MAPK8IP2: variants seen among roughly 807,000 people sequenced by gnomAD.
MAPK8IP2 encodes mitogen-activated protein kinase 8 interacting protein 2.
In MAPK8IP2, 15 loss-of-function variants were observed where a neutral mutation model predicts 75.6. That is an observed-to-expected ratio of 0.20 (90% confidence interval 0.13 to 0.31). The LOEUF (loss-of-function observed/expected upper bound fraction) is 0.31, where lower values mean the gene tolerates loss of function less well. Among genes scored for constraint, MAPK8IP2 ranks in the 10% least tolerant of loss-of-function variants. The pLI, the probability that MAPK8IP2 is intolerant of heterozygous loss-of-function variation, is 1.00. For synonymous variants in MAPK8IP2, 632 were observed against 554.5 expected, an observed-to-expected ratio of 1.14 and a Z score of -1.96; for missense variants, 1,089 against 1,211.2, an observed-to-expected ratio of 0.90 and a Z score of 1.50.
chr22:50,609,333 G>A (rs1187795912), intron 10 of MAPK8IP2, among the ~76,000 whole-genome samples: 1 of 152,112 alleles, frequency 6.6e-6, no homozygotes, highest in African/African-American at 2.4e-5. Context: ...TCTCCATCAG[G>A]GCCCTACCTC....
chr22:50,613,326 T>C lies in MAPK8IP2; in HGVS notation c.*2547T>C, dbSNP rs1172254707. On this transcript the variant is annotated 3_prime_UTR_variant, in exon 12 of 12. Coordinates refer to ENST00000329492, the MANE Select transcript of MAPK8IP2 (RefSeq NM_012324.6). ...GCCTTCGTCCCGACCCCTGCATTCA[T>C]CTGTGTTCTGTTTTATGTTTTTTCC... The C allele has an allele frequency of 6.6e-6, 1 of 152,460 alleles. No homozygotes were observed. Among genetic ancestry groups the C allele is most frequent in the Non-Finnish European group, 1.5e-5 (1 of 68,326 alleles). The allele number at this position is 152,460 out of a possible 1,614,324, so 9.4% of individuals were successfully genotyped here. A position where few individuals can be genotyped will look rare whatever the true frequency, so the allele number is the denominator to read the frequency against.
At chr22:50,606,838 TGGCAGGGGTGTCCAGTAGGTGGGA>T (rs2071060528) in intron 9 of MAPK8IP2, 59 bp from the exon 10 acceptor site, 1 of 1,594,092 alleles carries the variant, frequency 6.3e-7, no homozygotes, top group Non-Finnish European at 8.6e-7. Flanking sequence ...GGGGCCAGGC[TGGCAGGGGTGTCCAGTAGGTGGGA>T]GGCAGGGGTG....
In MAPK8IP2 at chr22:50,613,595, C is replaced by T. The variant is rs975812353; in HGVS notation, c.*2816C>T. 1 of 152,318 alleles carries T rather than the reference C, an allele frequency of 6.6e-6. No homozygotes were observed. The highest frequency in any genetic ancestry group is 1.5e-5 in the Non-Finnish European group (1 of 68,126). 9.4% of individuals were successfully genotyped at this position (152,318 alleles called of 1,614,324 possible). ...TTTAAACAGAAGCCTCAGCAGATCCCTCTCTCTGGCCAGCTCCCTGTTGAA... is the reference window on the plus strand; with the variant it reads ...TTTAAACAGAAGCCTCAGCAGATCCTTCTCTCTGGCCAGCTCCCTGTTGAA... On this transcript the variant is annotated 3_prime_UTR_variant, in exon 12 of 12. Transcript: ENST00000329492.
At chr22:50,606,850 C>A in intron 9 of MAPK8IP2, 71 bp from the exon 10 acceptor site, 1 of 1,591,980 alleles carries the variant, frequency 6.3e-7, no homozygotes, top group Non-Finnish European at 8.6e-7. Flanking sequence ...GCAGGGGTGT[C>A]CAGTAGGTGG....
intron 10 of MAPK8IP2, among the ~76,000 whole-genome samples, chr22:50,608,234 G>A (rs1014931403): frequency 6.6e-6 from 1 of 152,206 alleles, no homozygotes; most frequent in Non-Finnish European, 1.5e-5. Flanking sequence ...GGATCCATGC[G>A]GAAACGCTGC....
intron 10 of MAPK8IP2, among the ~76,000 whole-genome samples, chr22:50,609,529 T>G (rs913777632): frequency 6.6e-6 from 1 of 151,304 alleles, no homozygotes; most frequent in Non-Finnish European, 1.5e-5. Context: ...CAGACCATCA[T>G]GTGGCTTCCC....
At position 50,605,579 on chromosome 22, in the gene MAPK8IP2, C is replaced by T. The variant is rs771322110; in HGVS notation, c.1859C>T (p.Pro620Leu). The T allele has an allele frequency of 1.3e-6, 2 of 1,592,958 alleles. No homozygotes were observed. The highest frequency in any genetic ancestry group is 2.3e-5 in the South Asian group (2 of 88,460). Reference sequence around the variant, plus strand: ...AACGGCAGGTTCATCCCGCGGCATCCAGACGAGCTGGAGCTGGATGTGGAT... The same window carrying T: ...AACGGCAGGTTCATCCCGCGGCATCTAGACGAGCTGGAGCTGGATGTGGAT... ...RAVFRFIPRH[P>L]DELELDVDDP... is the part of the protein sequence containing the mutation. The change falls in exon 7 of 12, where the codon CCA (proline) becomes CTA (leucine). Residue 620 changes from proline (P) to leucine (L), a missense_variant. By Grantham distance (98) the Pro-to-Leu change is moderately conservative. Coordinates refer to ENST00000329492, the MANE Select transcript of MAPK8IP2 (RefSeq NM_012324.6).
intron 7 of MAPK8IP2, 33 bp from the exon 8 acceptor site, chr22:50,605,792 C>A (rs763661403): frequency 3.8e-6 from 6 of 1,594,408 alleles, no homozygotes; most frequent in Admixed American, 1.7e-5. Context: ...TGTGCCCCTG[C>A]CTGACCTGGG....
At chr22:50,602,631 A>G (rs2070956753) in intron 2 of MAPK8IP2, among the ~76,000 whole-genome samples, 3 of 152,236 alleles carry the variant, frequency 2.0e-5, no homozygotes, top group Admixed American at 2.0e-4. Context: ...AGAGCCAGGC[A>G]GATGGGGTAG....
At position 50,611,145 on chromosome 22, in the gene MAPK8IP2, C is replaced by T. The variant is rs1390016448; in HGVS notation, c.*366C>T. ...GAACTTCGGGGGTGTGGAGGAGGTG[C>T]GGCTCTAGGGACAGGTAATGTCGGC... On this transcript the variant is annotated 3_prime_UTR_variant, in exon 12 of 12. Transcript: ENST00000329492. This position sits in a 1 kb window ranked among gnomAD's most constrained non-coding sequence, Gnocchi z 5.5. The T allele has an allele frequency of 1.4e-5, 3 of 209,580 alleles. No individual in the cohort carries two copies. Among genetic ancestry groups the T allele is most frequent in the African/African-American group, 4.6e-5 (2 of 43,518 alleles). The allele number at this position is 209,580 out of a possible 1,614,324, so 13.0% of individuals were successfully genotyped here.
Position 50,604,331 on chromosome 22 carries a change from C to T in MAPK8IP2, c.1032C>T (p.Asp344=), listed in dbSNP as rs781232335. Residue 344 remains aspartate, a synonymous_variant, in exon 5 of 12, where the codon GAC becomes GAT. Transcript: ENST00000329492. ...AGTCGGAGCCGGACCTCAGCGAGGA[C>T]GCGGACTCGCCCTGGCTGCTCAGCA... is the stretch of plus-strand genomic sequence containing the variant. The part of the protein sequence containing the change: ...GSESEPDLSE[D]ADSPWLLSNL... 10 of 1,537,346 alleles carry T rather than the reference C, an allele frequency of 6.5e-6. No homozygotes were observed. The African/African-American group carries it at 1.2e-4, about 19-fold the overall frequency.
rs1333613148 is a variant in MAPK8IP2, at chr22:50,604,914, G to T, written c.1615G>T (p.Asp539Tyr). The part of the protein sequence containing the change: ...CAGLGHDSEE[D>Y]SGGEASEEEA... Reference sequence around the variant, plus strand: ...TGGGCTGGGCCACGACAGCGAAGAGGACAGCGGCGGGGAGGCCAGCGAGGA... The same window carrying T: ...TGGGCTGGGCCACGACAGCGAAGAGTACAGCGGCGGGGAGGCCAGCGAGGA... The change falls in exon 5 of 12, where the codon GAC (aspartate) becomes TAC (tyrosine). Residue 539 changes from aspartate to tyrosine, a missense_variant. By Grantham distance (160) the Asp-to-Tyr change is radical. Transcript: ENST00000329492. The T allele has an allele frequency of 1.9e-6, 3 of 1,610,366 alleles. No homozygotes were observed. Among genetic ancestry groups the T allele is most frequent in the Middle Eastern group, 1.7e-4 (1 of 5,994 alleles).
At position 50,605,408 on chromosome 22, in the gene MAPK8IP2, C is replaced by G; in HGVS notation, c.1806C>G (p.Gly602=). The G allele has an allele frequency of 6.2e-7, 1 of 1,613,704 alleles. No individual in the cohort carries two copies. Among genetic ancestry groups the G allele is most frequent in the South Asian group, 1.1e-5 (1 of 91,086 alleles). ...GCCTTTTCTCCTGTCTGGTCAACGGCGAGGAGCGAGAGCAGACTCACCGGG... is the reference window on the plus strand; with the variant it reads ...GCCTTTTCTCCTGTCTGGTCAACGGGGAGGAGCGAGAGCAGACTCACCGGG... ...SFGLFSCLVN[G]EEREQTHRAV... is the part of the protein sequence containing the mutation. Residue 602 remains glycine (G), a synonymous_variant, in exon 6 of 12, where the codon GGC becomes GGG. Coordinates refer to ENST00000329492, the MANE Select transcript of MAPK8IP2 (RefSeq NM_012324.6).
rs745443518 is a variant in MAPK8IP2 at position 50,603,237 on chromosome 22, G to T, written c.186G>T (p.Leu62=). Residue 62 remains leucine (L), a synonymous_variant, in exon 3 of 12, where the codon CTG becomes CTT. Transcript: ENST00000329492. ...CCGTCCTGCAGGACAGCCTCTCCCT[G>T]GGGCGCTCGGAGCAGCCGCACCCCA... is the stretch of plus-strand genomic sequence containing the variant. ...SDHCEKDSLS[L]GRSEQPHPIC... is the part of the protein sequence containing the mutation. 85 of 1,609,362 alleles carry T rather than the reference G, an allele frequency of 5.3e-5. No homozygotes were observed. The highest frequency in any genetic ancestry group is 6.7e-5 in the Non-Finnish European group (79 of 1,178,986).
At position 50,612,375 on chromosome 22, in the gene MAPK8IP2, G is replaced by T. The variant is rs1429323799; in HGVS notation, c.*1596G>T. 1 of 152,174 alleles carries T rather than the reference G, an allele frequency of 6.6e-6. No homozygotes were observed. The highest frequency in any genetic ancestry group is 2.4e-5 in the African/African-American group (1 of 41,442). The allele number at this position is 152,174 out of a possible 1,614,324, so 9.4% of individuals were successfully genotyped here. ...GCATGGCCGGGGTCCCTCTGTCTGAGCCCAGGATTCGTGCAACACCAGGAA... is the reference window on the plus strand; with the variant it reads ...GCATGGCCGGGGTCCCTCTGTCTGATCCCAGGATTCGTGCAACACCAGGAA... On this transcript the variant is annotated 3_prime_UTR_variant, in exon 12 of 12. Transcript: ENST00000329492.
In MAPK8IP2 at chr22:50,601,698, G is replaced by A. The variant is rs1015372259; in HGVS notation, c.66-91G>A. The A allele has an allele frequency of 1.0e-5, 9 of 876,260 alleles. No individual in the cohort carries two copies. In the African/African-American group the frequency reaches 1.5e-4, roughly 14 times the overall value. The allele number at this position is 876,260 out of a possible 1,614,324, so 54.3% of individuals were successfully genotyped here. ...GGGCTGTGGAAACCACTGGGTGTAGGAGCTGACGCCTCCCTCTGCCCCTCC... is the reference window on the plus strand; with the variant it reads ...GGGCTGTGGAAACCACTGGGTGTAGAAGCTGACGCCTCCCTCTGCCCCTCC... On this transcript the variant is annotated intron_variant, in intron 1 of 11. Transcript: ENST00000329492.
In MAPK8IP2 at chr22:50,603,543, A is replaced by G; in HGVS notation, c.447+45A>G. The G allele has an allele frequency of 2.5e-6, 4 of 1,576,374 alleles. No individual in the cohort carries two copies. In the South Asian group the frequency reaches 3.5e-5, roughly 14 times the overall value. ...GCTCCCTGGAGCTGAGCCTGGGTTC[A>G]TAGCACCTGGGCTGCAGCCAGCCCT... On this transcript the variant is annotated intron_variant, in intron 3 of 11. Coordinates refer to ENST00000329492, the MANE Select transcript of MAPK8IP2 (RefSeq NM_012324.6).
At chr22:50,608,206 T>C (rs558227259) in intron 10 of MAPK8IP2, among the ~76,000 whole-genome samples, 3 of 152,150 alleles carry the variant, frequency 2.0e-5, no homozygotes, top group Non-Finnish European at 2.9e-5. Flanking sequence ...CCCCGCCGAG[T>C]GCAGAGATGG....
Position 50,607,033 on chromosome 22 carries a change from A to C in MAPK8IP2, c.2303+42A>C. The C allele has an allele frequency of 6.4e-7, 1 of 1,551,706 alleles. No individual in the cohort carries two copies. The highest frequency in any genetic ancestry group is 8.9e-7 in the Non-Finnish European group (1 of 1,123,738). On this transcript the variant is annotated intron_variant, in intron 10 of 11. Transcript: ENST00000329492. The surrounding 1 kb of genome is among the most constrained non-coding windows in gnomAD (Gnocchi z 5.6). ...CCCCGAGTCCCCCAACCGCCCCCAC[A>C]AACCCTGAGAGTCCAACCGCCCCCT...
Sources: allele counts gnomAD v4.1 joint callset (sites outside exome capture counted in the v4.1 genomes callset), GRCh38; gene constraint gnomAD v4.1.1; non-coding constraint Gnocchi (gnomAD v3.1); transcripts MANE v1.5; gene names NCBI Gene and HGNC (gene_info 2026-07-23, HGNC 2026-07-21).